Variants in NUCKS1 observed in about 807,000 individuals in gnomAD.
The protein encoded by NUCKS1 is nuclear ubiquitous casein and cyclin-dependent kinase substrate 1.
A neutral mutation model predicts 33.0 loss-of-function variants in NUCKS1; 2 were observed. The observed-to-expected ratio is 0.06, with a 90% CI of 0.02 to 0.19. NUCKS1 has a LOEUF of 0.19. Among genes scored for constraint, NUCKS1 ranks in the 10% least tolerant of loss-of-function variants. The pLI is 1.00. For missense variants in NUCKS1, 201 were observed against 293.6 expected (o/e 0.68, Z 2.31); for synonymous variants, 106 against 102.8 (o/e 1.03, Z -0.19).
chr1:205,741,075 G>C (rs1158304236), intron 1 of NUCKS1, among the ~76,000 whole-genome samples: 1 of 151,442 alleles, frequency 6.6e-6, no homozygotes, highest in Admixed American at 6.6e-5. Flanking sequence ...GAGGCGGGCG[G>C]ATCACTTGAG....
At position 205,722,380 on chromosome 1, in the gene NUCKS1, C is replaced by T. The variant is rs901697931; in HGVS notation, c.229+1546G>A. On this transcript the variant is annotated intron_variant, in intron 4 of 6. Coordinates refer to ENST00000367142, the MANE Select transcript of NUCKS1 (RefSeq NM_022731.5). ...CAAGTGATTCTCCTGCCTCGGCCTC[C>T]CGAGTAGCTGGGATTACAGGCACCC... Among the ~76,000 whole-genome samples the T allele has an allele frequency of 7.2e-5, 11 of 152,336 alleles. 1 individual carries two copies. Among genetic ancestry groups the T allele is most frequent in the Admixed American group, 7.2e-4 (11 of 15,296 alleles).
intron 1 of NUCKS1, among the ~76,000 whole-genome samples, chr1:205,734,047 AT>A (rs990953962): frequency 7.9e-4 from 115 of 146,130 alleles, no homozygotes; most frequent in Admixed American, 1.4e-3. Context: ...ATTAAAAACA[AT>A]TTTTTTTTTT....
At chr1:205,745,585 C>T (rs1046008629) in intron 1 of NUCKS1, among the ~76,000 whole-genome samples, 2 of 151,868 alleles carry the variant, frequency 1.3e-5, no homozygotes, top group Non-Finnish European at 2.9e-5. Flanking sequence ...ATGTTTTAAA[C>T]AGCTAAAAAT....
At chr1:205,725,438 A>G (rs1653730296) in intron 3 of NUCKS1, among the ~76,000 whole-genome samples, 2 of 152,250 alleles carry the variant, frequency 1.3e-5, no homozygotes, top group South Asian at 4.1e-4. Flanking sequence ...AGAATGACCA[A>G]ACATATTCCT....
chr1:205,720,964 A>G (rs557233609), intron 4 of NUCKS1, among the ~76,000 whole-genome samples: 4 of 152,304 alleles, frequency 2.6e-5, no homozygotes, highest in Admixed American at 2.0e-4. Flanking sequence ...TTGCAGGGAC[A>G]TGGATGGAGC....
rs185352080 is a variant in NUCKS1, at chr1:205,743,323, C to T, written c.17+6634G>A. Among the ~76,000 whole-genome samples the T allele has an allele frequency of 2.1e-4, 32 of 152,300 alleles. No individual in the cohort carries two copies. The Middle Eastern group carries it at 0.017, about 81-fold the overall frequency. On this transcript the variant is annotated intron_variant, in intron 1 of 6. Transcript: ENST00000367142. ...GCTTTGTGACTGCAAGATACTATTA[C>T]TCCAATGGAGTTCAACATCTCCACT...
chr1:205,744,528 T>C (rs1571589739), intron 1 of NUCKS1, among the ~76,000 whole-genome samples: 1 of 151,854 alleles, frequency 6.6e-6, no homozygotes, highest in East Asian at 1.9e-4. Flanking sequence ...TCCAAAAAGT[T>C]CTGAAAATTA....
At chr1:205,729,703 A>G (rs1357277279) in intron 1 of NUCKS1, 82 bp from the exon 2 acceptor site, 21 of 1,036,376 alleles carry the variant, frequency 2.0e-5, no homozygotes, top group Non-Finnish European at 2.9e-5. Flanking sequence ...TCTCTTTCAT[A>G]AACAGAACTG....
chr1:205,750,097 T>C lies in NUCKS1; in HGVS notation c.-124A>G. On this transcript the variant is annotated 5_prime_UTR_variant, in exon 1 of 7. Coordinates refer to ENST00000367142, the MANE Select transcript of NUCKS1 (RefSeq NM_022731.5). The stretch of plus-strand genomic sequence containing the variant: ...GGACCGCTGCTGCCGAACCCCGAGC[T>C]GCTGGCTTCTCAAACTCCGCTGCTC... The C allele has an allele frequency of 1.1e-6, 1 of 941,348 alleles. No individual in the cohort carries two copies. The highest frequency in any genetic ancestry group is 1.6e-6 in the Non-Finnish European group (1 of 643,212). 58.3% of individuals were successfully genotyped at this position (941,348 alleles called of 1,614,324 possible).
At position 205,715,474 on chromosome 1, in the gene NUCKS1, G is replaced by GT. The variant is rs1671806705; in HGVS notation, c.*2805dup. The stretch of plus-strand genomic sequence containing the variant: ...TACCTACCATTACTGGAATTAAAAT[G>GT]TATCCTCTGGGCCCACTCCATTGAT... On this transcript the variant is annotated 3_prime_UTR_variant, in exon 7 of 7. Coordinates refer to ENST00000367142, the MANE Select transcript of NUCKS1 (RefSeq NM_022731.5). 6.6e-6 allele frequency: 1 copy of GT among 152,238 alleles called. No homozygotes were observed. The highest frequency in any genetic ancestry group is 1.5e-5 in the Non-Finnish European group (1 of 68,050). 9.4% of individuals were successfully genotyped at this position (152,238 alleles called of 1,614,324 possible). A position where few individuals can be genotyped will look rare whatever the true frequency, so the allele number is the denominator to read the frequency against.
chr1:205,724,688 C>T (rs1653680019), intron 3 of NUCKS1, among the ~76,000 whole-genome samples: 1 of 152,176 alleles, frequency 6.6e-6, no homozygotes, highest in African/African-American at 2.4e-5. Context: ...AGCAAGACTC[C>T]ATCCCCACCC....
chr1:205,726,419 A>T (rs1653779711), intron 3 of NUCKS1, among the ~76,000 whole-genome samples: 1 of 152,232 alleles, frequency 6.6e-6, no homozygotes, highest in Admixed American at 6.5e-5. Flanking sequence ...GTTTCCCAAC[A>T]GTATAATTCT....
At chr1:205,747,063 T>A (rs1299088342) in intron 1 of NUCKS1, among the ~76,000 whole-genome samples, 1 of 152,202 alleles carries the variant, frequency 6.6e-6, no homozygotes, top group Non-Finnish European at 1.5e-5. Context: ...CAAAGTTGAC[T>A]CATGAAAGCA....
At position 205,717,789 on chromosome 1, in the gene NUCKS1, T is replaced by C. The variant is rs879500803; in HGVS notation, c.*491A>G. The C allele has an allele frequency of 7.1e-6, 7 of 985,252 alleles. No homozygotes were observed. Among genetic ancestry groups the C allele is most frequent in the Admixed American group, 6.1e-5 (1 of 16,272 alleles). The allele number at this position is 985,252 out of a possible 1,614,324, so 61.0% of individuals were successfully genotyped here. ...CAAATAAACTCATATTAGATGACAA[T>C]TGATTTTTTAAAAGTCCAGGTAGAG... On this transcript the variant is annotated 3_prime_UTR_variant, in exon 7 of 7. Transcript: ENST00000367142.
chr1:205,717,335 G>C lies in NUCKS1; in HGVS notation c.*945C>G, dbSNP rs1242469818. ...TTTATTTGCTTAAAACCTAAACATTGTCAGTTTGAAAAGAAATCCACTGTG... is the reference window on the plus strand; with the variant it reads ...TTTATTTGCTTAAAACCTAAACATTCTCAGTTTGAAAAGAAATCCACTGTG... On this transcript the variant is annotated 3_prime_UTR_variant, in exon 7 of 7. Coordinates refer to ENST00000367142, the MANE Select transcript of NUCKS1 (RefSeq NM_022731.5). 2.0e-6 allele frequency: 2 copies of C among 986,078 alleles called. No homozygotes were observed. The highest frequency in any genetic ancestry group is 2.4e-6 in the Non-Finnish European group (2 of 829,784). The allele number at this position is 986,078 out of a possible 1,614,324, so 61.1% of individuals were successfully genotyped here. A position where few individuals can be genotyped will look rare whatever the true frequency, so the allele number is the denominator to read the frequency against.
Position 205,717,155 on chromosome 1 carries a change from T to C in NUCKS1, c.*1125A>G, listed in dbSNP as rs77992859. ...ACATTTCTATGAAGAAATGGGAAGA[T>C]CGGGATATGAAAAAGAAAATGTTCT... On this transcript the variant is annotated 3_prime_UTR_variant, in exon 7 of 7. Transcript: ENST00000367142. 3,118 of 239,394 alleles carry C rather than the reference T, an allele frequency of 0.013. 36 individuals are homozygous for C. The highest frequency in any genetic ancestry group is 0.017 in the Admixed American group (266 of 15,372). 14.8% of individuals were successfully genotyped at this position (239,394 alleles called of 1,614,324 possible).
chr1:205,739,996 G>GTTTTTT (rs1262616433), intron 1 of NUCKS1, among the ~76,000 whole-genome samples: 1 of 40,208 alleles, frequency 2.5e-5, no homozygotes, highest in Non-Finnish European at 6.6e-5. Flanking sequence ...ATTTACTTTA[G>GTTTTTT]GTTTTTTTTT....
Position 205,750,104 on chromosome 1 carries a change from T to C in NUCKS1, c.-131A>G. 1 of 845,262 alleles carries C rather than the reference T, an allele frequency of 1.2e-6. No individual in the cohort carries two copies. The highest frequency in any genetic ancestry group is 1.8e-6 in the Non-Finnish European group (1 of 553,888). 52.4% of individuals were successfully genotyped at this position (845,262 alleles called of 1,614,324 possible). A position where few individuals can be genotyped will look rare whatever the true frequency, so the allele number is the denominator to read the frequency against. ...TGCTGCCGAACCCCGAGCTGCTGGC[T>C]TCTCAAACTCCGCTGCTCTTTGGTT... On this transcript the variant is annotated 5_prime_UTR_variant, in exon 1 of 7. Coordinates refer to ENST00000367142, the MANE Select transcript of NUCKS1 (RefSeq NM_022731.5).
chr1:205,746,376 T>C (rs1003921503), intron 1 of NUCKS1, among the ~76,000 whole-genome samples: 6 of 152,120 alleles, frequency 3.9e-5, no homozygotes, highest in African/African-American at 1.4e-4. Context: ...GAATTATGTC[T>C]TTTTAGAGGA....
Sources: gnomAD v4.1 joint callset for allele counts (sites outside exome capture counted in the v4.1 genomes callset) on GRCh38, gnomAD v4.1.1 for gene constraint, MANE v1.5 for transcripts, NCBI Gene and HGNC (gene_info 2026-07-23, HGNC 2026-07-21) for gene names.